The following TTC28 variants were observed in gnomAD, a reference collection of about 807,000 sequenced individuals.
TTC28 encodes the protein tetratricopeptide repeat domain 28.
Under a neutral mutation model 198.0 loss-of-function variants are expected in TTC28, and 61 were observed. The ratio of observed to expected loss-of-function variants is 0.31; its 90% CI spans 0.25 to 0.38. The LOEUF is 0.38. Among genes scored for constraint, TTC28 ranks in the 10% least tolerant of loss-of-function variants. The pLI, the probability that TTC28 is intolerant of heterozygous loss-of-function variation, is 1.00. For missense variants in TTC28, 2,678 were observed against 3,164.0 expected, an observed-to-expected ratio of 0.85 and a Z score of 3.69; for synonymous variants, 1,171 against 1,297.8, an observed-to-expected ratio of 0.90 and a Z score of 2.10.
intron 2 of TTC28, among the ~76,000 whole-genome samples, chr22:28,423,611 A>G (rs528269890): frequency 5.9e-5 from 9 of 152,336 alleles, no homozygotes; most frequent in African/African-American, 1.7e-4. Flanking sequence ...AAAGTCCATT[A>G]AGTTGCATCA....
intron 5 of TTC28, among the ~76,000 whole-genome samples, chr22:28,207,501 G>A (rs1259384661): frequency 1.3e-5 from 2 of 152,044 alleles, no homozygotes; most frequent in Non-Finnish European, 2.9e-5. Flanking sequence ...TAATCCTTCC[G>A]GGCCTCAGTT....
rs1238757736 is a variant in TTC28, at chr22:28,344,014, GA to G, written c.382-37372del. Among the ~76,000 whole-genome samples the G allele has an allele frequency of 4.6e-5, 7 of 151,794 alleles. No homozygotes were observed. The East Asian group carries it at 1.4e-3, about 29-fold the overall frequency. ...TTTAGCAATACTATAAAATCCAACA[GA>G]AAAAAATAGCATTTACTATTTCTAA... is the stretch of plus-strand genomic sequence containing the variant. On this transcript the variant is annotated intron_variant, in intron 2 of 22. Coordinates refer to ENST00000397906, the MANE Select transcript of TTC28 (RefSeq NM_001145418.2).
intron 2 of TTC28, among the ~76,000 whole-genome samples, chr22:28,514,107 C>A (rs768929202): frequency 1.1e-4 from 17 of 152,074 alleles, no homozygotes; most frequent in Non-Finnish European, 2.5e-4. Flanking sequence ...GCTACTTCAC[C>A]TTTTTATATC....
intron 5 of TTC28, among the ~76,000 whole-genome samples, chr22:28,237,759 C>T (rs1042430681): frequency 1.3e-5 from 2 of 152,096 alleles, no homozygotes; most frequent in African/African-American, 2.4e-5. Context: ...ATTTTCCCTC[C>T]ACCTGAAAAA....
intron 1 of TTC28, among the ~76,000 whole-genome samples, chr22:28,661,123 AAAAATAC>A (rs1464014799): frequency 6.6e-6 from 1 of 151,720 alleles, no homozygotes; most frequent in African/African-American, 2.4e-5. Flanking sequence ...CGTCTCTACT[AAAAATAC>A]AAAATTAGCC....
At chr22:28,219,439 C>T (rs1927672904) in intron 5 of TTC28, among the ~76,000 whole-genome samples, 1 of 151,152 alleles carries the variant, frequency 6.6e-6, no homozygotes, top group South Asian at 2.1e-4. Context: ...AACCTGGAGG[C>T]AGGGGTTGCA....
chr22:28,175,741 A>T (rs1329615298), intron 5 of TTC28, among the ~76,000 whole-genome samples: 1 of 152,198 alleles, frequency 6.6e-6, no homozygotes, highest in African/African-American at 2.4e-5. Context: ...CTCAAAAAAA[A>T]ATTAAAAAAT....
At chr22:28,071,748 G>GAAAAAAAAAAAAAA (rs371615737) in intron 12 of TTC28, among the ~76,000 whole-genome samples, 2 of 91,132 alleles carry the variant, frequency 2.2e-5, no homozygotes, top group Non-Finnish European at 4.6e-5. Flanking sequence ...AAAAAAAAAG[G>GAAAAAAAAAAAAAA]AAAAAAAAAA....
At chr22:28,560,451 G>A (rs2049850794) in intron 2 of TTC28, among the ~76,000 whole-genome samples, 1 of 152,072 alleles carries the variant, frequency 6.6e-6, no homozygotes, top group Admixed American at 6.5e-5. Context: ...TCTTATCATG[G>A]CTTACAAGGT....
chr22:28,182,159 G>GT (rs1357478272), intron 5 of TTC28, among the ~76,000 whole-genome samples: 2 of 152,186 alleles, frequency 1.3e-5, no homozygotes, highest in Admixed American at 6.5e-5. Context: ...CTTGGGGGAA[G>GT]TGGAGGGTGT....
chr22:28,255,622 G>A lies in TTC28; in HGVS notation c.933+40576C>T, dbSNP rs1040600569. 4.6e-5 allele frequency among the ~76,000 whole-genome samples: 7 copies of A among 151,578 alleles called. No homozygotes were observed. In the South Asian group the frequency reaches 8.4e-4, roughly 18 times the overall value. On this transcript the variant is annotated intron_variant, in intron 5 of 22. Coordinates refer to ENST00000397906, the MANE Select transcript of TTC28 (RefSeq NM_001145418.2). The stretch of plus-strand genomic sequence containing the variant: ...CTTGAACCCGGGAGGCAGAGATTGC[G>A]GTGAGCTGAGATCGTGCCATTACAT...
At chr22:28,509,750 G>GT (rs902377513) in intron 2 of TTC28, among the ~76,000 whole-genome samples, 33 of 150,758 alleles carry the variant, frequency 2.2e-4, no homozygotes, top group South Asian at 6.3e-4. Context: ...TTCACAAGCT[G>GT]TTTTTTTTTA....
At chr22:28,520,143 G>C (rs759227256) in intron 2 of TTC28, among the ~76,000 whole-genome samples, 1 of 152,036 alleles carries the variant, frequency 6.6e-6, no homozygotes, top group Non-Finnish European at 1.5e-5. Context: ...ATCTCGGTTT[G>C]AGTCCCAACT....
intron 2 of TTC28, among the ~76,000 whole-genome samples, chr22:28,508,898 ACT>A (rs1317825714): frequency 1.3e-5 from 2 of 151,796 alleles, no homozygotes; most frequent in African/African-American, 4.8e-5. Context: ...GATCTACAGA[ACT>A]CTCCACCTAA....
intron 2 of TTC28, among the ~76,000 whole-genome samples, chr22:28,486,199 A>T (rs973065523): frequency 6.6e-6 from 1 of 152,202 alleles, no homozygotes; most frequent in Admixed American, 6.5e-5. Context: ...ACATACTCAC[A>T]CTAAGGAAAA....
At chr22:28,335,553 T>C (rs1042634665) in intron 2 of TTC28, among the ~76,000 whole-genome samples, 5 of 152,294 alleles carry the variant, frequency 3.3e-5, no homozygotes, top group South Asian at 2.1e-4. Flanking sequence ...AGGTCTTTCA[T>C]GTCCCTTGTA....
At chr22:28,266,049 G>A (rs1239128858) in intron 5 of TTC28, among the ~76,000 whole-genome samples, 5 of 151,760 alleles carry the variant, frequency 3.3e-5, no homozygotes, top group Admixed American at 6.6e-5. Flanking sequence ...GTTTAGTGGC[G>A]TGCACCTGTA....
intron 1 of TTC28, among the ~76,000 whole-genome samples, chr22:28,669,576 CT>C (rs2051845792): frequency 6.6e-6 from 1 of 152,132 alleles, no homozygotes; most frequent in Non-Finnish European, 1.5e-5. Flanking sequence ...AAGGGAAGAT[CT>C]TTGTGGAGTC....
At chr22:28,582,453 C>A (rs957903320) in intron 2 of TTC28, among the ~76,000 whole-genome samples, 2 of 152,116 alleles carry the variant, frequency 1.3e-5, no homozygotes, top group African/African-American at 2.4e-5. Flanking sequence ...ACAGCTGCAA[C>A]TGTGTATTAC....
Sources: allele counts gnomAD v4.1 joint callset (sites outside exome capture counted in the v4.1 genomes callset), GRCh38; gene constraint gnomAD v4.1.1; transcripts MANE v1.5; gene names NCBI Gene and HGNC (gene_info 2026-07-23, HGNC 2026-07-21).